Variants in RAB1A observed in about 807,000 individuals in gnomAD.
RAB1A encodes ras-related protein Rab-1A.
In RAB1A, 2 loss-of-function variants were observed where a neutral mutation model predicts 26.0. The observed-to-expected ratio is 0.08, with a 90% CI of 0.03 to 0.24. The LOEUF (loss-of-function observed/expected upper bound fraction) is 0.24. RAB1A is among the 10% of genes least tolerant of loss of function. The probability of loss-of-function intolerance (pLI) is 1.00; values close to 1 mark genes in which losing one functional copy is unlikely to be tolerated. For synonymous variants in RAB1A, 84 were observed against 84.9 expected (o/e 0.99, Z 0.06); for missense variants, 100 against 247.0 (o/e 0.40, Z 3.99).
intron 1 of RAB1A, among the ~76,000 whole-genome samples, chr2:65,127,563 C>T (rs938886915): frequency 6.6e-6 from 1 of 152,068 alleles, no homozygotes; most frequent in Non-Finnish European, 1.5e-5. Flanking sequence ...CCCGTCTCTA[C>T]CAAAAATACA....
At chr2:65,128,599 T>C (rs1670158751) in intron 1 of RAB1A, among the ~76,000 whole-genome samples, 2 of 152,206 alleles carry the variant, frequency 1.3e-5, no homozygotes. Context: ...AGCCACACTA[T>C]TACAAAACTT....
chr2:65,123,309 T>TA (rs1670016898), intron 1 of RAB1A, among the ~76,000 whole-genome samples: 1 of 151,544 alleles, frequency 6.6e-6, no homozygotes, highest in African/African-American at 2.4e-5. Context: ...TAGCTGGGAC[T>TA]ACAGGCGCCT....
chr2:65,118,868 G>A (rs556236289), intron 1 of RAB1A, among the ~76,000 whole-genome samples: 1 of 152,144 alleles, frequency 6.6e-6, no homozygotes, highest in Non-Finnish European at 1.5e-5. Context: ...CCACAAGGAA[G>A]ATTTGGGTTT....
At chr2:65,089,190 C>T (rs1669109174) in intron 4 of RAB1A, 120 bp from the exon 5 acceptor site, 1 of 940,864 alleles carries the variant, frequency 1.1e-6, no homozygotes, top group Non-Finnish European at 1.6e-6. Context: ...ACTCTAGCTA[C>T]AAAATAACCA....
At chr2:65,117,663 C>T (rs749618384) in intron 1 of RAB1A, among the ~76,000 whole-genome samples, 4 of 152,050 alleles carry the variant, frequency 2.6e-5, no homozygotes, top group East Asian at 1.9e-4. Flanking sequence ...ACCTCCCAGG[C>T]TCAAACGATC....
rs72888448 is a variant in RAB1A, at chr2:65,088,565, A to C, written c.546T>G (p.Ala182=). 1.1e-3 allele frequency: 1,799 copies of C among 1,613,748 alleles called. 24 individuals are homozygous for C. In the African/African-American group the frequency reaches 0.021, roughly 19 times the overall value. The stretch of plus-strand genomic sequence containing the variant: ...TAACATTGGACTTCTCAGCACCACC[A>C]GCTGTTGCTCCGGGACCCATTCGCT... The part of the protein sequence containing the change: ...IKKRMGPGAT[A]GGAEKSNVKI... Residue 182 remains alanine (A), a synonymous_variant, in exon 6 of 6, where the codon GCT becomes GCG. Transcript: ENST00000409784.
At chr2:65,114,190 T>C (rs562992029) in intron 1 of RAB1A, 7 of 436,494 alleles carry the variant, frequency 1.6e-5, no homozygotes, top group Non-Finnish European at 3.1e-5. Flanking sequence ...AAATTTAGAT[T>C]CTCAGACAAG....
chr2:65,113,751 T>C (rs1009733163), intron 1 of RAB1A, among the ~76,000 whole-genome samples: 1 of 152,084 alleles, frequency 6.6e-6, no homozygotes, highest in Non-Finnish European at 1.5e-5. Context: ...GAATATAGAA[T>C]TTTTTAAAGT....
At chr2:65,122,429 G>C (rs912048864) in intron 1 of RAB1A, among the ~76,000 whole-genome samples, 1 of 149,554 alleles carries the variant, frequency 6.7e-6, no homozygotes, top group African/African-American at 2.5e-5. Context: ...GTGGTGGCAC[G>C]CGCTTGTATT....
At chr2:65,120,264 T>G (rs1476662012) in intron 1 of RAB1A, among the ~76,000 whole-genome samples, 1 of 151,916 alleles carries the variant, frequency 6.6e-6, no homozygotes, top group Non-Finnish European at 1.5e-5. Context: ...GAGACCAGCC[T>G]GGCCAATAAG....
At chr2:65,128,136 G>A (rs2052261) in intron 1 of RAB1A, among the ~76,000 whole-genome samples, 108,765 of 151,954 alleles carry the variant, frequency 0.72, 39,312 homozygotes, top group African/African-American at 0.8. Flanking sequence ...ATGCTCACAC[G>A]GTTTTTCAAA....
chr2:65,128,671 C>T (rs886572096), intron 1 of RAB1A, among the ~76,000 whole-genome samples: 3 of 152,128 alleles, frequency 2.0e-5, no homozygotes, highest in African/African-American at 7.2e-5. Context: ...GGTGGGTGGA[C>T]CTTTTAGGGG....
intron 2 of RAB1A, among the ~76,000 whole-genome samples, chr2:65,098,633 C>T (rs1390796197): frequency 6.6e-6 from 1 of 152,012 alleles, no homozygotes; most frequent in Non-Finnish European, 1.5e-5. Context: ...ACTACAACCA[C>T]GAATTCCAGG....
chr2:65,129,265 GCTCTTAAACAACTC>G (rs1205138820), intron 1 of RAB1A, among the ~76,000 whole-genome samples: 7 of 149,784 alleles, frequency 4.7e-5, no homozygotes, highest in African/African-American at 1.7e-4. Context: ...GACCCGGCGA[GCTCTTAAACAACTC>G]CTCCAAGACA....
At chr2:65,102,034 A>G (rs891757454) in intron 2 of RAB1A, among the ~76,000 whole-genome samples, 1 of 152,096 alleles carries the variant, frequency 6.6e-6, no homozygotes, top group Admixed American at 6.5e-5. Flanking sequence ...GGCGTGACCC[A>G]CCACACCCAG....
At chr2:65,105,377 T>C (rs1402667239) in intron 1 of RAB1A, 5 of 178,532 alleles carry the variant, frequency 2.8e-5, no homozygotes, top group Middle Eastern at 2.3e-3. Flanking sequence ...TGGTTGCGCA[T>C]GCCTGTAATC....
intron 1 of RAB1A, chr2:65,105,507 G>GT (rs1399988589): frequency 1.1e-4 from 7 of 62,728 alleles, no homozygotes; most frequent in African/African-American, 5.6e-4. Flanking sequence ...ACGAAACTCT[G>GT]TCTCAAAAAA....
intron 1 of RAB1A, among the ~76,000 whole-genome samples, chr2:65,113,947 A>G (rs1669762920): frequency 6.6e-6 from 1 of 152,200 alleles, no homozygotes; most frequent in African/African-American, 2.4e-5. Context: ...AGAAATAAAA[A>G]ATGTTATTTG....
At chr2:65,112,037 C>A (rs920092543) in intron 1 of RAB1A, among the ~76,000 whole-genome samples, 3 of 151,656 alleles carry the variant, frequency 2.0e-5, no homozygotes, top group East Asian at 1.9e-4. Flanking sequence ...AAGCTGATAT[C>A]GCACCACTGC....
Sources: gnomAD v4.1 joint callset for allele counts (sites outside exome capture counted in the v4.1 genomes callset) on GRCh38, gnomAD v4.1.1 for gene constraint, MANE v1.5 for transcripts, NCBI Gene and HGNC (gene_info 2026-07-23, HGNC 2026-07-21) for gene names.